NRG3: variants seen among roughly 807,000 people sequenced by gnomAD.
NRG3 encodes the protein pro-neuregulin-3, membrane-bound isoform.
NRG3 carries 31 observed loss-of-function variants against 66.9 expected under a neutral mutation model. The ratio of observed to expected loss-of-function variants is 0.46; its 90% CI spans 0.35 to 0.63. The LOEUF (loss-of-function observed/expected upper bound fraction) is 0.63. Ranked by LOEUF, NRG3 falls within the 20% of genes least tolerant of loss-of-function variation. NRG3 has a pLI of 0.00. For missense variants in NRG3, 910 were observed against 878.9 expected (o/e 1.04, Z -0.45); for synonymous variants, 393 against 359.4 (o/e 1.09, Z -1.06).
chr10:82,338,439 G>C (rs1377577885), intron 1 of NRG3, among the ~76,000 whole-genome samples: 1 of 152,176 alleles, frequency 6.6e-6, no homozygotes, highest in East Asian at 1.9e-4. Context: ...GCACTTAGCA[G>C]AGTGTAGATT....
chr10:81,956,584 C>T (rs957108369), intron 1 of NRG3, among the ~76,000 whole-genome samples: 6 of 152,146 alleles, frequency 3.9e-5, no homozygotes, highest in Admixed American at 2.0e-4. Context: ...AAAATATAGC[C>T]TGCATGCTGA....
intron 2 of NRG3, among the ~76,000 whole-genome samples, chr10:82,688,570 T>C (rs1380044805): frequency 6.6e-6 from 1 of 152,206 alleles, no homozygotes; most frequent in Non-Finnish European, 1.5e-5. Flanking sequence ...TCTGTGGTTG[T>C]TGGTCATTCA....
intron 2 of NRG3, among the ~76,000 whole-genome samples, chr10:82,518,514 A>G (rs1380320327): frequency 6.6e-6 from 1 of 152,228 alleles, no homozygotes; most frequent in Non-Finnish European, 1.5e-5. Context: ...CTACACACAT[A>G]TTAGTCATTT....
intron 2 of NRG3, among the ~76,000 whole-genome samples, chr10:82,620,304 G>C (rs1447627226): frequency 6.6e-6 from 1 of 152,148 alleles, no homozygotes; most frequent in Admixed American, 6.5e-5. Context: ...TGGGTCCTGA[G>C]CTCTTGTCCA....
In NRG3 at chr10:82,923,924, C is replaced by G. The variant is rs551938049; in HGVS notation, c.1055-27545C>G. On this transcript the variant is annotated intron_variant, in intron 4 of 8. Transcript: ENST00000372141. ...CCAGCCTGGCCAACATGGTGAAACC[C>G]CATCTCTACTAAAAAATACAAAAAT... 1.7e-3 allele frequency among the ~76,000 whole-genome samples: 252 copies of G among 151,594 alleles called. 2 individuals carry two copies. The highest frequency in any genetic ancestry group is 5.8e-3 in the African/African-American group (239 of 41,328).
chr10:82,631,410 C>A (rs991633722), intron 2 of NRG3, among the ~76,000 whole-genome samples: 23 of 152,174 alleles, frequency 1.5e-4, no homozygotes, highest in Admixed American at 2.6e-4. Context: ...ATTTTGAACT[C>A]ATGAGAACCC....
chr10:82,710,321 C>T (rs890883164), intron 2 of NRG3, among the ~76,000 whole-genome samples: 1 of 152,120 alleles, frequency 6.6e-6, no homozygotes, highest in African/African-American at 2.4e-5. Context: ...CTCAGTGGCT[C>T]ACACATGTAA....
chr10:82,014,542 C>T (rs1038185735), intron 1 of NRG3, among the ~76,000 whole-genome samples: 1 of 152,200 alleles, frequency 6.6e-6, no homozygotes, highest in African/African-American at 2.4e-5. Flanking sequence ...TATCTCACTT[C>T]ATCCTCATAT....
intron 1 of NRG3, among the ~76,000 whole-genome samples, chr10:81,948,905 G>A (rs897828978): frequency 1.1e-4 from 17 of 152,194 alleles, no homozygotes; most frequent in African/African-American, 3.9e-4. Context: ...TTACAGGGAA[G>A]TGTTGCAGGT....
intron 1 of NRG3, among the ~76,000 whole-genome samples, chr10:82,293,303 G>A (rs928833524): frequency 6.6e-6 from 1 of 151,362 alleles, no homozygotes; most frequent in Non-Finnish European, 1.5e-5. Flanking sequence ...ATATTTGTCA[G>A]AAAGCTTGCT....
At chr10:82,066,720 A>G (rs1236523534) in intron 1 of NRG3, among the ~76,000 whole-genome samples, 2 of 152,192 alleles carry the variant, frequency 1.3e-5, no homozygotes, top group Non-Finnish European at 2.9e-5. Context: ...CATTCTCTCT[A>G]CACCAGTGAG....
chr10:82,130,306 C>A (rs1286232495), intron 1 of NRG3, among the ~76,000 whole-genome samples: 1 of 151,464 alleles, frequency 6.6e-6, no homozygotes, highest in African/African-American at 2.4e-5. Context: ...TATACATGTG[C>A]CTTGTTGGTG....
chr10:82,159,243 C>T (rs1315925721), intron 1 of NRG3, among the ~76,000 whole-genome samples: 1 of 151,804 alleles, frequency 6.6e-6, no homozygotes, highest in Non-Finnish European at 1.5e-5. Flanking sequence ...TGCAATGGTT[C>T]TCTATTGCAC....
At chr10:82,753,756 G>C (rs1017600082) in intron 3 of NRG3, among the ~76,000 whole-genome samples, 1 of 151,904 alleles carries the variant, frequency 6.6e-6, no homozygotes. Flanking sequence ...AGACCATCCT[G>C]GCCAACATGG....
At chr10:82,955,667 G>A (rs116139514) in intron 5 of NRG3, among the ~76,000 whole-genome samples, 2,187 of 151,912 alleles carry the variant, frequency 0.014, 91 homozygotes, top group African/African-American at 0.051. Flanking sequence ...ATGTAGACAC[G>A]GTAACAACCT....
intron 2 of NRG3, among the ~76,000 whole-genome samples, chr10:82,621,673 C>T (rs2049049065): frequency 6.6e-6 from 1 of 152,182 alleles, no homozygotes; most frequent in African/African-American, 2.4e-5. Flanking sequence ...TCATCTTCCT[C>T]ATAGACCTGA....
At chr10:82,971,970 T>C (rs976986811) in intron 6 of NRG3, among the ~76,000 whole-genome samples, 1 of 152,170 alleles carries the variant, frequency 6.6e-6, no homozygotes, top group Non-Finnish European at 1.5e-5. Flanking sequence ...TCTGTTGTTT[T>C]TAAATTAGCT....
At chr10:82,495,714 C>A (rs1271290906) in intron 2 of NRG3, among the ~76,000 whole-genome samples, 2 of 151,768 alleles carry the variant, frequency 1.3e-5, no homozygotes, top group Admixed American at 1.3e-4. Context: ...AAGTGGGAGC[C>A]CAAAGGGTAA....
chr10:82,282,106 G>T (rs943446575), intron 1 of NRG3, among the ~76,000 whole-genome samples: 1 of 152,170 alleles, frequency 6.6e-6, no homozygotes, highest in Non-Finnish European at 1.5e-5. Flanking sequence ...GATAGTGGGG[G>T]CTGTGTCCAG....
Sources: allele counts gnomAD v4.1 joint callset (sites outside exome capture counted in the v4.1 genomes callset), GRCh38; gene constraint gnomAD v4.1.1; transcripts MANE v1.5; gene names NCBI Gene and HGNC (gene_info 2026-07-23, HGNC 2026-07-21).